VPS8: variants seen among roughly 807,000 people sequenced by gnomAD.
The protein encoded by VPS8 is VPS8 subunit of CORVET complex, also known as vacuolar protein sorting-associated protein 8 homolog.
Under a neutral mutation model 216.4 loss-of-function variants are expected in VPS8, and 129 were observed. The ratio of observed to expected loss-of-function variants is 0.60; its 90% CI spans 0.52 to 0.69. The LOEUF (loss-of-function observed/expected upper bound fraction) is 0.69. Among genes scored for constraint, VPS8 ranks in the 30% least tolerant of loss-of-function variants. VPS8 has a pLI of 0.00. For synonymous variants in VPS8, 571 were observed against 565.4 expected (o/e 1.01, Z -0.14); for missense variants, 1,531 against 1,683.5 (o/e 0.91, Z 1.59).
chr3:184,931,028 A>G (rs564175777), intron 34 of VPS8, among the ~76,000 whole-genome samples: 11 of 152,244 alleles, frequency 7.2e-5, no homozygotes, highest in Admixed American at 6.5e-4. Context: ...GATGCCTGCT[A>G]TTTTACAGAG....
At chr3:184,931,781 A>G (rs1021031959) in intron 34 of VPS8, among the ~76,000 whole-genome samples, 5 of 152,028 alleles carry the variant, frequency 3.3e-5, no homozygotes, top group Admixed American at 6.6e-5. Flanking sequence ...TGTGTTTTAT[A>G]TTTTTTCCCT....
intron 35 of VPS8, among the ~76,000 whole-genome samples, chr3:184,938,884 G>A (rs978263459): frequency 6.6e-6 from 1 of 151,754 alleles, no homozygotes; most frequent in African/African-American, 2.4e-5. Flanking sequence ...CAGAAAATTA[G>A]CTGGACATGG....
At chr3:184,827,915 G>A (rs1719136429) in intron 3 of VPS8, among the ~76,000 whole-genome samples, 1 of 152,170 alleles carries the variant, frequency 6.6e-6, no homozygotes, top group Non-Finnish European at 1.5e-5. Context: ...CAAGTCGTAA[G>A]TGGAAGAAAA....
intron 5 of VPS8, among the ~76,000 whole-genome samples, chr3:184,837,941 G>A (rs1193849728): frequency 6.6e-6 from 1 of 152,200 alleles, no homozygotes; most frequent in Non-Finnish European, 1.5e-5. Context: ...TGAGAATCAA[G>A]TAGTGTAATA....
At chr3:184,873,391 A>C (rs1728691544) in intron 21 of VPS8, among the ~76,000 whole-genome samples, 1 of 152,166 alleles carries the variant, frequency 6.6e-6, no homozygotes. Flanking sequence ...AATTACAGCA[A>C]GCATCTAAAC....
Position 185,024,361 on chromosome 3 carries a change from A to G in VPS8, c.4028A>G (p.Gln1343Arg), listed in dbSNP as rs760440323. Reference sequence around the variant, plus strand: ...GTAAAAATGTCTCCATCGTATCATCAGTCCAAAGGGGATCCCACTGCTAAA... The same window carrying G: ...GTAAAAATGTCTCCATCGTATCATCGGTCCAAAGGGGATCCCACTGCTAAA... The part of the protein sequence containing the change: ...SQVKMSPSYH[Q>R]SKGDPTAKKG... The change falls in exon 46 of 48, where the codon CAG (glutamine) becomes CGG (arginine). Residue 1343 changes from glutamine (Q) to arginine (R), a missense_variant. Around this residue, in one of 3 missense-constraint regions of VPS8, gnomAD observed 1,318 missense variants for 1,468.4 expected, o/e 0.90. Transcript: ENST00000625842. 6 of 1,598,786 alleles carry G rather than the reference A, an allele frequency of 3.8e-6. No homozygotes were observed. Among genetic ancestry groups the G allele is most frequent in the Non-Finnish European group, 5.1e-6 (6 of 1,171,896 alleles).
rs538052608 is a variant in VPS8, at chr3:184,823,612, G to A, written c.-88-933G>A. Among the ~76,000 whole-genome samples, 3 of 152,156 alleles carry A rather than the reference G, an allele frequency of 2.0e-5. No individual in the cohort carries two copies. In the South Asian group the frequency reaches 6.2e-4, roughly 32 times the overall value. On this transcript the variant is annotated intron_variant, in intron 1 of 47. Transcript: ENST00000625842. ...TGATCTTTATTATTATTATTATTAG[G>A]GCATTGTTTCTGTTTTCATATTTTT...
chr3:184,829,503 CCT>C (rs752610415), intron 3 of VPS8, among the ~76,000 whole-genome samples: 1 of 152,120 alleles, frequency 6.6e-6, no homozygotes, highest in African/African-American at 2.4e-5. Context: ...GGCATGAGCC[CCT>C]GTGCCCAGCT....
At chr3:184,821,437 G>A (rs1252342861) in intron 1 of VPS8, among the ~76,000 whole-genome samples, 1 of 151,808 alleles carries the variant, frequency 6.6e-6, no homozygotes, top group Admixed American at 6.6e-5. Context: ...TCCGCCTCCC[G>A]GGTTCAAGCA....
chr3:185,045,807 C>T (rs1446619112), intron 46 of VPS8, among the ~76,000 whole-genome samples: 1 of 151,862 alleles, frequency 6.6e-6, no homozygotes, highest in African/African-American at 2.4e-5. Context: ...ATCCTGAAAG[C>T]CCTGATTTGT....
rs1754876751 is a variant in VPS8, at chr3:185,010,603, T to TAGTGG, written c.4002+10743_4002+10744insGTGGA. ...ACTACAATGTCTGAGATGAAGAATA[T>TAGTGG]ACTAGATAAAATTAATAGCAGGATG... On this transcript the variant is annotated intron_variant, in intron 45 of 47. Transcript: ENST00000625842. 3.3e-5 allele frequency among the ~76,000 whole-genome samples: 5 copies of TAGTGG among 152,064 alleles called. No individual in the cohort carries two copies. In the South Asian group the frequency reaches 8.3e-4, roughly 25 times the overall value.
chr3:184,893,273 G>C, intron 22 of VPS8: 1 of 1,288,054 alleles, frequency 7.8e-7, no homozygotes, highest in Non-Finnish European at 1.0e-6. Context: ...GTCCTTTCAG[G>C]AGCTTCCTTG....
intron 21 of VPS8, 146 bp from the exon 22 acceptor site, chr3:184,885,964 C>A: frequency 2.6e-6 from 2 of 760,496 alleles, no homozygotes; most frequent in Admixed American, 2.6e-5. Flanking sequence ...CAGACTTTGA[C>A]ACATAATGCC....
At chr3:184,828,812 A>G (rs1041027972) in intron 3 of VPS8, among the ~76,000 whole-genome samples, 6 of 152,224 alleles carry the variant, frequency 3.9e-5, no homozygotes, top group Non-Finnish European at 7.3e-5. Flanking sequence ...AATGTTAACA[A>G]ACTGAACAAC....
chr3:184,869,133 C>T (rs1319728808), intron 19 of VPS8, 97 bp downstream of exon 19: 11 of 1,161,766 alleles, frequency 9.5e-6, no homozygotes, highest in Admixed American at 6.8e-5. Context: ...AGCTGAGTGT[C>T]GAAGTGTTTA....
rs571026800 is a variant in VPS8, at chr3:184,868,819, C to G, written c.1507-127C>G. The G allele has an allele frequency of 8.5e-5, 61 of 713,956 alleles. 2 individuals carry two copies. The South Asian group carries it at 1.2e-3, about 14-fold the overall frequency. The allele number at this position is 713,956 out of a possible 1,614,324, so 44.2% of individuals were successfully genotyped here. A position where few individuals can be genotyped will look rare whatever the true frequency, so the allele number is the denominator to read the frequency against. ...TTATTTTTCTTTGAAACAAGATATT[C>G]ACATAATTATTAAAATAATTTTAGC... On this transcript the variant is annotated intron_variant, in intron 18 of 47. Transcript: ENST00000625842.
At chr3:184,991,885 T>A (rs1751947398) in intron 42 of VPS8, among the ~76,000 whole-genome samples, 1 of 152,222 alleles carries the variant, frequency 6.6e-6, no homozygotes, top group Non-Finnish European at 1.5e-5. Flanking sequence ...ATTTGACAGA[T>A]ATCTTTAGCT....
intron 45 of VPS8, among the ~76,000 whole-genome samples, chr3:185,000,514 T>C (rs533201774): frequency 6.6e-6 from 1 of 152,196 alleles, no homozygotes; most frequent in Non-Finnish European, 1.5e-5. Context: ...TATTTTTGGC[T>C]TCCTGTTCCT....
At chr3:184,912,514 G>A (rs1437984681) in intron 25 of VPS8, among the ~76,000 whole-genome samples, 8 of 151,958 alleles carry the variant, frequency 5.3e-5, no homozygotes, top group African/African-American at 1.9e-4. Context: ...CAATTCCGAA[G>A]CTTAACTTTT....
Sources: gnomAD v4.1 joint callset for allele counts (sites outside exome capture counted in the v4.1 genomes callset) on GRCh38, gnomAD v4.1.1 for gene constraint, gnomAD v4.1.1 regional missense constraint, MANE v1.5 for transcripts, NCBI Gene and HGNC (gene_info 2026-07-23, HGNC 2026-07-21) for gene names.